ADAMTS17: variants seen among roughly 807,000 people sequenced by gnomAD.
ADAMTS17 encodes A disintegrin and metalloproteinase with thrombospondin motifs 17.
In ADAMTS17, 113 loss-of-function variants were observed where a neutral mutation model predicts 141.5. That is an observed-to-expected ratio of 0.80 (90% CI 0.69 to 0.93). The LOEUF (loss-of-function observed/expected upper bound fraction) is 0.93. Among genes scored for constraint, ADAMTS17 ranks in the 40% least tolerant of loss-of-function variants. The probability of loss-of-function intolerance (pLI) is 0.00; values close to 1 mark genes in which losing one functional copy is unlikely to be tolerated. For synonymous variants in ADAMTS17, 768 were observed against 630.6 expected (o/e 1.22, Z -3.27); for missense variants, 1,659 against 1,517.9 (o/e 1.09, Z -1.54).
Position 100,199,384 on chromosome 15 carries a change from T to A in ADAMTS17, c.1115A>T (p.Lys372Met). 1 of 1,614,130 alleles carries A rather than the reference T, an allele frequency of 6.2e-7. No individual in the cohort carries two copies. The highest frequency in any genetic ancestry group is 8.5e-7 in the Non-Finnish European group (1 of 1,180,016). ...YLGGVCSAKR[K>M]CVLAEDNGLN... ...ACCATTGTCTTCGGCAAGCACACAC[T>A]TCCTCTTAGCACTGCACACACCTCC... The change falls in exon 8 of 22, where the codon AAG (lysine) becomes ATG (methionine). Residue 372 changes from lysine to methionine, a missense_variant. Physicochemically the swap from Lys to Met is moderately conservative, Grantham distance 95. Transcript: ENST00000268070.
intron 15 of ADAMTS17, among the ~76,000 whole-genome samples, chr15:100,075,971 C>A (rs1012336474): frequency 6.6e-6 from 1 of 152,140 alleles, no homozygotes; most frequent in Admixed American, 6.5e-5. Flanking sequence ...CGTTTCATCT[C>A]TCTTTCTTGC....
chr15:100,051,778 C>T, intron 16 of ADAMTS17, 47 bp from the exon 17 acceptor site: 1 of 1,612,798 alleles, frequency 6.2e-7, no homozygotes, highest in Non-Finnish European at 8.5e-7. Context: ...GGAAGGAAGG[C>T]CCGTGGGAAT....
At chr15:100,122,488 T>C (rs535398270) in intron 12 of ADAMTS17, among the ~76,000 whole-genome samples, 39 of 152,324 alleles carry the variant, frequency 2.6e-4, no homozygotes, top group Non-Finnish European at 5.1e-4. Flanking sequence ...GTAACATCAA[T>C]GCGGGCCTCC....
intron 15 of ADAMTS17, among the ~76,000 whole-genome samples, chr15:100,087,080 T>G (rs992766655): frequency 6.6e-5 from 10 of 151,964 alleles, no homozygotes; most frequent in Non-Finnish European, 1.5e-4. Context: ...ATCAACAAAT[T>G]GATAGACCAC....
intron 8 of ADAMTS17, among the ~76,000 whole-genome samples, chr15:100,179,914 T>C (rs2040467434): frequency 6.6e-6 from 1 of 152,244 alleles, no homozygotes; most frequent in Non-Finnish European, 1.5e-5. Context: ...TCCTTATGTA[T>C]TCTGGTTATT....
chr15:100,243,986 A>G (rs1366219829), intron 7 of ADAMTS17, among the ~76,000 whole-genome samples: 1 of 152,066 alleles, frequency 6.6e-6, no homozygotes, highest in Non-Finnish European at 1.5e-5. Flanking sequence ...CACACTGCTA[A>G]TAAAGACATA....
chr15:100,297,835 T>C (rs1043535555), intron 3 of ADAMTS17, among the ~76,000 whole-genome samples: 1 of 152,050 alleles, frequency 6.6e-6, no homozygotes, highest in Non-Finnish European at 1.5e-5. Flanking sequence ...CAAAACCACA[T>C]GGCTAGATAG....
chr15:100,025,437 A>G (rs1182201508), intron 18 of ADAMTS17, among the ~76,000 whole-genome samples: 4 of 142,278 alleles, frequency 2.8e-5, no homozygotes, highest in South Asian at 4.3e-4. Context: ...TTTGAGACAG[A>G]CTTTCACTCT....
At chr15:100,064,208 C>A (rs557098726) in intron 15 of ADAMTS17, among the ~76,000 whole-genome samples, 1 of 152,148 alleles carries the variant, frequency 6.6e-6, no homozygotes, top group East Asian at 1.9e-4. Context: ...ACAAAGCAGC[C>A]AAGGAACGCC....
chr15:100,330,154 C>T (rs1362389454), intron 3 of ADAMTS17, among the ~76,000 whole-genome samples: 2 of 152,130 alleles, frequency 1.3e-5, no homozygotes, highest in Admixed American at 6.5e-5. Context: ...CAAAGAGAGA[C>T]CCAGAGTATA....
chr15:100,157,183 C>T (rs1450365331), intron 8 of ADAMTS17, among the ~76,000 whole-genome samples: 1 of 152,164 alleles, frequency 6.6e-6, no homozygotes, highest in Non-Finnish European at 1.5e-5. Context: ...ATCCAATCAC[C>T]TCCCAGCGGG....
At chr15:100,022,390 C>T (rs538433718) in intron 18 of ADAMTS17, among the ~76,000 whole-genome samples, 2 of 152,276 alleles carry the variant, frequency 1.3e-5, no homozygotes, top group African/African-American at 2.4e-5. Context: ...AGAGAAAGTT[C>T]GTATTAATGT....
chr15:100,059,379 C>T (rs1421517897), intron 15 of ADAMTS17, among the ~76,000 whole-genome samples: 2 of 152,128 alleles, frequency 1.3e-5, no homozygotes, highest in East Asian at 1.9e-4. Flanking sequence ...CTCCTAGCCA[C>T]GCATTTGTGT....
chr15:100,315,157 G>GAGGC (rs1181761024), intron 3 of ADAMTS17, among the ~76,000 whole-genome samples: 2 of 152,214 alleles, frequency 1.3e-5, no homozygotes, highest in Non-Finnish European at 2.9e-5. Context: ...TGGAGGCCGG[G>GAGGC]AGGCAGGCAG....
At chr15:100,251,090 G>T (rs961173339) in intron 7 of ADAMTS17, among the ~76,000 whole-genome samples, 1 of 151,930 alleles carries the variant, frequency 6.6e-6, no homozygotes, top group Non-Finnish European at 1.5e-5. Flanking sequence ...TTTTAAAAAA[G>T]AAAAAAAGGC....
intron 3 of ADAMTS17, among the ~76,000 whole-genome samples, chr15:100,302,874 G>A (rs1596480220): frequency 6.6e-6 from 1 of 152,092 alleles, no homozygotes; most frequent in South Asian, 2.1e-4. Context: ...CCCTGCCAGG[G>A]AGGTTAGGAT....
intron 7 of ADAMTS17, among the ~76,000 whole-genome samples, chr15:100,241,120 G>T (rs771368098): frequency 7.3e-5 from 11 of 151,482 alleles, no homozygotes; most frequent in Non-Finnish European, 1.5e-4. Context: ...CCCTACACCT[G>T]GCCTATCTGG....
intron 13 of ADAMTS17, among the ~76,000 whole-genome samples, chr15:100,113,041 G>T (rs1456611938): frequency 6.6e-6 from 1 of 152,138 alleles, no homozygotes; most frequent in East Asian, 1.9e-4. Flanking sequence ...GTCCTCTGTG[G>T]GGGACACATG....
intron 2 of ADAMTS17, among the ~76,000 whole-genome samples, chr15:100,332,790 A>G (rs1193425805): frequency 6.6e-6 from 1 of 152,200 alleles, no homozygotes; most frequent in Non-Finnish European, 1.5e-5. Context: ...AAGGAAGAAA[A>G]CAGCAATGCT....
Sources: gnomAD v4.1 joint callset for allele counts (sites outside exome capture counted in the v4.1 genomes callset) on GRCh38, gnomAD v4.1.1 for gene constraint, MANE v1.5 for transcripts, NCBI Gene and HGNC (gene_info 2026-07-23, HGNC 2026-07-21) for gene names.